The following MYCT1 variants were observed in gnomAD, a reference collection of about 807,000 sequenced individuals.
MYCT1 encodes the protein myc target protein 1.
MYCT1 carries 12 observed loss-of-function variants against 15.0 expected under a neutral mutation model. The observed-to-expected ratio is 0.80, with a 90% confidence interval of 0.51 to 1.29. The LOEUF (loss-of-function observed/expected upper bound fraction) is 1.29. Ranked by LOEUF, MYCT1 falls within the 50% of genes most tolerant of loss-of-function variation. MYCT1 has a pLI of 0.00. For synonymous variants in MYCT1, 104 were observed against 102.7 expected (o/e 1.01, Z -0.07); for missense variants, 287 against 279.1 (o/e 1.03, Z -0.20).
the MYCT1 span, among the ~76,000 whole-genome samples, chr6:152,740,786 T>A: frequency 6.6e-6 from 1 of 152,134 alleles, no homozygotes; most frequent in Non-Finnish European, 1.5e-5. Context: ...ATATAAAAAT[T>A]TACAGCGTAT....
intron 1 of MYCT1, among the ~76,000 whole-genome samples, chr6:152,705,143 T>C (rs1190985608): frequency 6.6e-6 from 1 of 152,210 alleles, no homozygotes; most frequent in Non-Finnish European, 1.5e-5. Flanking sequence ...AAACTCCTTG[T>C]AAGTTGAAAA....
rs147758797 is a variant in MYCT1, at chr6:152,722,128, A to G, written c.583A>G (p.Thr195Ala). ...TCTCCCTTCTTCCAATATCTCTCCC[A>G]CCATCAGCACTTCCCACAGTCTGAG... is the stretch of plus-strand genomic sequence containing the variant. The part of the protein sequence containing the change: ...VTLPSSNISP[T>A]ISTSHSLSRP... The change falls in exon 2 of 2, where the codon ACC becomes GCC. Residue 195 changes from threonine (T) to alanine (A), a missense_variant. Physicochemically the swap from Thr to Ala is moderately conservative, Grantham distance 58. Transcript: ENST00000367245. 1.7e-4 allele frequency: 273 copies of G among 1,613,864 alleles called. 1 individual carries two copies. The African/African-American group carries it at 2.8e-3, about 17-fold the overall frequency.
chr6:152,739,122 T>C, the MYCT1 span, among the ~76,000 whole-genome samples: 1 of 151,922 alleles, frequency 6.6e-6, no homozygotes, highest in Non-Finnish European at 1.5e-5. Context: ...AAAATTATAT[T>C]GGGAGTTTTA....
intron 1 of MYCT1, among the ~76,000 whole-genome samples, chr6:152,715,663 G>A (rs952290768): frequency 2.6e-5 from 4 of 152,206 alleles, no homozygotes; most frequent in Non-Finnish European, 5.9e-5. Flanking sequence ...GGGACAGGGT[G>A]TCATTTTAGG....
At chr6:152,701,416 T>C (rs757103395) in intron 1 of MYCT1, among the ~76,000 whole-genome samples, 2 of 152,142 alleles carry the variant, frequency 1.3e-5, no homozygotes, top group Non-Finnish European at 2.9e-5. Flanking sequence ...TTCAGGGACA[T>C]AGTTTGTAAG....
At position 152,722,258 on chromosome 6, in the gene MYCT1, G is replaced by C; in HGVS notation, c.*5G>C. The C allele has an allele frequency of 1.3e-6, 2 of 1,581,368 alleles. No homozygotes were observed. Among genetic ancestry groups the C allele is most frequent in the Non-Finnish European group, 1.7e-6 (2 of 1,167,158 alleles). ...AAGGCATTCCCAGATTCCTGAGTAGGGTGGCTTTTGGTTTTTGTTTCTTTC... is the reference window on the plus strand; with the variant it reads ...AAGGCATTCCCAGATTCCTGAGTAGCGTGGCTTTTGGTTTTTGTTTCTTTC... On this transcript the variant is annotated 3_prime_UTR_variant, in exon 2 of 2. Transcript: ENST00000367245.
chr6:152,715,757 A>C (rs572121380), intron 1 of MYCT1, among the ~76,000 whole-genome samples: 128 of 152,230 alleles, frequency 8.4e-4, no homozygotes, highest in African/African-American at 2.9e-3. Flanking sequence ...CTGAGGAAAT[A>C]ATTTTAGGAA....
At chr6:152,699,410 T>C (rs1190332113) in intron 1 of MYCT1, among the ~76,000 whole-genome samples, 1 of 152,172 alleles carries the variant, frequency 6.6e-6, no homozygotes, top group Admixed American at 6.5e-5. Flanking sequence ...TAAATTTATG[T>C]AACAGAATTA....
chr6:152,726,396 TAAA>T (rs55634200), downstream of MYCT1, among the ~76,000 whole-genome samples: 2 of 127,690 alleles, frequency 1.6e-5, no homozygotes, highest in African/African-American at 3.0e-5. Context: ...AAACTCTGTC[TAAA>T]AAAAAAAAAA....
chr6:152,720,481 C>T (rs1349974657), intron 1 of MYCT1, among the ~76,000 whole-genome samples: 1 of 152,142 alleles, frequency 6.6e-6, no homozygotes, highest in Non-Finnish European at 1.5e-5. Flanking sequence ...GGCTATGGCT[C>T]TCTCAATACA....
At chr6:152,702,700 A>G (rs1039493557) in intron 1 of MYCT1, among the ~76,000 whole-genome samples, 1 of 152,198 alleles carries the variant, frequency 6.6e-6, no homozygotes, top group Non-Finnish European at 1.5e-5. Flanking sequence ...AATTTCCACT[A>G]TATCTTCCCC....
chr6:152,708,683 A>G (rs1284525315), intron 1 of MYCT1, among the ~76,000 whole-genome samples: 2 of 152,078 alleles, frequency 1.3e-5, no homozygotes. Context: ...AAAGAAATTG[A>G]TGGAAAAGAG....
chr6:152,702,483 G>C (rs1309304828), intron 1 of MYCT1, among the ~76,000 whole-genome samples: 3 of 152,084 alleles, frequency 2.0e-5, no homozygotes, highest in Non-Finnish European at 4.4e-5. Flanking sequence ...TTCTCTCTAA[G>C]GTAATTGATG....
chr6:152,731,792 G>C, the MYCT1 span, among the ~76,000 whole-genome samples: 80,879 of 149,214 alleles, frequency 0.54, 24,217 homozygotes, highest in Non-Finnish European at 0.66. Flanking sequence ...ATGTTGTCCA[G>C]GCTGGAGTGC....
At chr6:152,735,189 C>A in the MYCT1 span, among the ~76,000 whole-genome samples, 1 of 152,136 alleles carries the variant, frequency 6.6e-6, no homozygotes, top group Non-Finnish European at 1.5e-5. Context: ...AGAGAGGAGG[C>A]TCAAATGCTA....
intron 1 of MYCT1, among the ~76,000 whole-genome samples, chr6:152,703,463 TA>T (rs1257368400): frequency 6.6e-6 from 1 of 152,202 alleles, no homozygotes; most frequent in Non-Finnish European, 1.5e-5. Context: ...ATCTGAATTC[TA>T]TCTGTAACAT....
intron 1 of MYCT1, among the ~76,000 whole-genome samples, chr6:152,699,610 T>C (rs1309229111): frequency 6.6e-6 from 1 of 152,038 alleles, no homozygotes; most frequent in African/African-American, 2.4e-5. Flanking sequence ...AGAGCTAGAG[T>C]CTGTCTAAAT....
the MYCT1 span, among the ~76,000 whole-genome samples, chr6:152,734,286 AT>A: frequency 6.6e-6 from 1 of 152,182 alleles, no homozygotes. Context: ...TATTCTAAGG[AT>A]TTCAGTCCTC....
At position 152,721,775 on chromosome 6, in the gene MYCT1, C is replaced by T. The variant is rs1238915521; in HGVS notation, c.230C>T (p.Ala77Val). The stretch of plus-strand genomic sequence containing the variant: ...ATCATGTCCTTCACTGTATCCATGG[C>T]AATCGGGCTGGTACTTGGAGGATTT... The part of the protein sequence containing the change: ...DLIMSFTVSM[A>V]IGLVLGGFIW... Residue 77 changes from alanine (A) to valine (V), a missense_variant, in exon 2 of 2, where the codon GCA (alanine) becomes GTA (valine). By Grantham distance (64) the Ala-to-Val change is moderately conservative. Transcript: ENST00000367245. The T allele has an allele frequency of 1.9e-6, 3 of 1,613,916 alleles. No homozygotes were observed. Among genetic ancestry groups the T allele is most frequent in the Non-Finnish European group, 2.5e-6 (3 of 1,179,986 alleles).
Sources: allele counts gnomAD v4.1 joint callset (sites outside exome capture counted in the v4.1 genomes callset), GRCh38; gene constraint gnomAD v4.1.1; transcripts MANE v1.5; gene names NCBI Gene and HGNC (gene_info 2026-07-23, HGNC 2026-07-21).